Variants in SMARCA2 observed in about 807,000 individuals in gnomAD.
The protein encoded by SMARCA2 is SWI/SNF related BAF chromatin remodeling complex subunit ATPase 2.
Under a neutral mutation model 199.8 loss-of-function variants are expected in SMARCA2, and 61 were observed. The observed-to-expected ratio is 0.31, with a 90% confidence interval of 0.25 to 0.38. The LOEUF is 0.38. SMARCA2 is among the 10% of genes least tolerant of loss of function. SMARCA2 has a pLI of 1.00. For synonymous variants in SMARCA2, 935 were observed against 732.0 expected, an observed-to-expected ratio of 1.28 and a Z score of -4.48; for missense variants, 1,344 against 2,012.2, an observed-to-expected ratio of 0.67 and a Z score of 6.35.
intron 13 of SMARCA2, among the ~76,000 whole-genome samples, chr9:2,076,661 A>G (rs954500406): frequency 6.6e-6 from 1 of 152,000 alleles, no homozygotes; most frequent in East Asian, 1.9e-4. Flanking sequence ...TGAACTAATG[A>G]AACTTATCTC....
chr9:2,173,598 G>A (rs972046567), intron 29 of SMARCA2, among the ~76,000 whole-genome samples: 15 of 152,142 alleles, frequency 9.9e-5, no homozygotes, highest in Non-Finnish European at 1.9e-4. Flanking sequence ...ACAGTTTATC[G>A]TGTAGAGTAG....
At chr9:2,120,081 A>G (rs1242132422) in intron 26 of SMARCA2, among the ~76,000 whole-genome samples, 1 of 152,252 alleles carries the variant, frequency 6.6e-6, no homozygotes, top group African/African-American at 2.4e-5. Flanking sequence ...ATTGTTGACG[A>G]GAGCCCGCTT....
intron 27 of SMARCA2, among the ~76,000 whole-genome samples, chr9:2,132,318 G>T (rs1199289103): frequency 6.6e-6 from 1 of 152,232 alleles, no homozygotes; most frequent in East Asian, 1.9e-4. Context: ...CCTCTGGGCT[G>T]CATTAAGTAT....
At chr9:2,158,862 G>C in intron 27 of SMARCA2, 3 of 1,379,570 alleles carry the variant, frequency 2.2e-6, no homozygotes, top group Non-Finnish European at 3.0e-6. Flanking sequence ...AAGACCCTTA[G>C]AAATCACAGA....
intron 29 of SMARCA2, among the ~76,000 whole-genome samples, chr9:2,174,850 G>T (rs1586792237): frequency 6.7e-6 from 1 of 148,806 alleles, no homozygotes; most frequent in South Asian, 2.1e-4. Flanking sequence ...AGCCTGGGAG[G>T]TCGAGGCTAC....
At chr9:2,066,424 G>GC (rs1161640636) in intron 9 of SMARCA2, among the ~76,000 whole-genome samples, 18 of 152,198 alleles carry the variant, frequency 1.2e-4, no homozygotes, top group Non-Finnish European at 2.5e-4. Context: ...AAGATGGGTA[G>GC]CCATGCACAT....
intron 8 of SMARCA2, among the ~76,000 whole-genome samples, 183 bp downstream of exon 8, chr9:2,058,647 CA>C (rs1820458215): frequency 1.3e-5 from 2 of 152,178 alleles, no homozygotes; most frequent in South Asian, 4.2e-4. Flanking sequence ...GAATGCATGC[CA>C]AAAATCTAGG....
chr9:2,089,948 C>T (rs1821981016), intron 19 of SMARCA2, among the ~76,000 whole-genome samples: 1 of 151,816 alleles, frequency 6.6e-6, no homozygotes, highest in African/African-American at 2.4e-5. Context: ...TAACTGAAGC[C>T]CTTCATTTAT....
intron 27 of SMARCA2, among the ~76,000 whole-genome samples, chr9:2,137,182 A>G (rs774435070): frequency 6.6e-6 from 1 of 152,216 alleles, no homozygotes; most frequent in Non-Finnish European, 1.5e-5. Context: ...AGTAATAAGG[A>G]TCTGGAGTGT....
At position 2,181,693 on chromosome 9, in the gene SMARCA2, C is replaced by G; in HGVS notation, c.4359+17C>G. 3.3e-6 allele frequency: 4 copies of G among 1,216,784 alleles called. No homozygotes were observed. The highest frequency in any genetic ancestry group is 4.9e-6 in the Non-Finnish European group (4 of 818,872). The allele number at this position is 1,216,784 out of a possible 1,614,324, so 75.4% of individuals were successfully genotyped here. ...AAAATAAAGGTAGATATTTTGTTTA[C>G]CAACTTTATTCTTCAAGTAAATAAA... is the stretch of plus-strand genomic sequence containing the variant. On this transcript the variant is annotated intron_variant, in intron 30 of 33. Coordinates refer to ENST00000349721, the MANE Select transcript of SMARCA2 (RefSeq NM_003070.5).
At position 2,081,852 on chromosome 9, in the gene SMARCA2, G is replaced by C; in HGVS notation, c.2205G>C (p.Met735Ile). The change falls in exon 15 of 34, where the codon ATG becomes ATC. Residue 735 changes from methionine (M) to isoleucine (I), a missense_variant. This residue lies in a region of SMARCA2 where 106 missense variants were observed against 179.7 expected (regional missense o/e 0.59). Coordinates refer to ENST00000349721, the MANE Select transcript of SMARCA2 (RefSeq NM_003070.5). ...TTCAGCTCCAGGGCCTGGAATGGATGGTTTCCCTGTATAATAACAACTTGA... is the reference window on the plus strand; with the variant it reads ...TTCAGCTCCAGGGCCTGGAATGGATCGTTTCCCTGTATAATAACAACTTGA... ...KHYQLQGLEWMVSLYNNNLNG... is the reference protein window; with the variant it reads ...KHYQLQGLEWIVSLYNNNLNG... The C allele has an allele frequency of 6.2e-7, 1 of 1,614,008 alleles. No homozygotes were observed. Among genetic ancestry groups the C allele is most frequent in the Non-Finnish European group, 8.5e-7 (1 of 1,179,964 alleles).
chr9:2,119,570 T>A lies in SMARCA2; in HGVS notation c.3762+35T>A, dbSNP rs750762710. On this transcript the variant is annotated intron_variant, in intron 26 of 33. Coordinates refer to ENST00000349721, the MANE Select transcript of SMARCA2 (RefSeq NM_003070.5). The surrounding 1 kb of genome is among the most constrained non-coding windows in gnomAD (Gnocchi z 4.6). ...CAGAAAATCATGAACACAAATGCTTTATACCTCTGCCCCTTTTTCTGTTAA... is the reference window on the plus strand; with the variant it reads ...CAGAAAATCATGAACACAAATGCTTAATACCTCTGCCCCTTTTTCTGTTAA... The A allele has an allele frequency of 7.2e-7, 1 of 1,393,302 alleles. No individual in the cohort carries two copies. The highest frequency in any genetic ancestry group is 1.0e-6 in the Non-Finnish European group (1 of 980,234). 86.3% of individuals were successfully genotyped at this position (1,393,302 alleles called of 1,614,324 possible).
chr9:2,160,769 CTT>C lies in SMARCA2; in HGVS notation c.3982-910_3982-909del, dbSNP rs886727968. On this transcript the variant is annotated intron_variant, in intron 27 of 33. Coordinates refer to ENST00000349721, the MANE Select transcript of SMARCA2 (RefSeq NM_003070.5). ...CAATCTCAAAACGTAATTTAAAGAT[CTT>C]TTTTTTAGAAAATTTCTTTTCTATG... 3.8e-5 allele frequency: 15 copies of C among 395,116 alleles called. No homozygotes were observed. In the Admixed American group the frequency reaches 4.5e-4, roughly 12 times the overall value. The allele number at this position is 395,116 out of a possible 1,614,324, so 24.5% of individuals were successfully genotyped here.
At position 2,031,532 on chromosome 9, in the gene SMARCA2, A is replaced by G. The variant is rs79605233; in HGVS notation, c.226-1420A>G. 5.5e-3 allele frequency among the ~76,000 whole-genome samples: 836 copies of G among 152,248 alleles called. 10 individuals carry two copies. The highest frequency in any genetic ancestry group is 0.019 in the African/African-American group (798 of 41,536). ...TTAGCAGTTAAAAATTCAATGTGTG[A>G]GTGTTGGGTCAGTGTTATGTTTTTC... On this transcript the variant is annotated intron_variant, in intron 2 of 33. Transcript: ENST00000349721.
Position 2,084,128 on chromosome 9 carries a change from A to G in SMARCA2, c.2458A>G (p.Ser820Gly). Residue 820 changes from serine (S) to glycine (G), a missense_variant, in exon 17 of 34, where the codon AGT becomes GGT. Transcript: ENST00000349721. ...TCGCTCCCTTGTCCCCCAGCTACGG[A>G]GTGGCAAATTCAATGTCCTCTTGAC... ...MRRSLVPQLR[S>G]GKFNVLLTTY... 2.5e-6 allele frequency: 4 copies of G among 1,612,982 alleles called. No individual in the cohort carries two copies. Among genetic ancestry groups the G allele is most frequent in the Non-Finnish European group, 3.4e-6 (4 of 1,179,034 alleles).
chr9:2,051,517 G>C (rs935995453), intron 5 of SMARCA2, among the ~76,000 whole-genome samples: 1 of 152,138 alleles, frequency 6.6e-6, no homozygotes, highest in Non-Finnish European at 1.5e-5. Flanking sequence ...TCAATGTGAT[G>C]TAATCTCTAC....
chr9:2,119,313 C>T lies in SMARCA2; in HGVS notation c.3685-145C>T, dbSNP rs1012362598. 5.1e-5 allele frequency: 30 copies of T among 592,476 alleles called. No individual in the cohort carries two copies. Among genetic ancestry groups the T allele is most frequent in the Non-Finnish European group, 7.8e-5 (26 of 332,506 alleles). The allele number at this position is 592,476 out of a possible 1,614,324, so 36.7% of individuals were successfully genotyped here. On this transcript the variant is annotated intron_variant, in intron 25 of 33. Transcript: ENST00000349721. This position sits in a 1 kb window ranked among gnomAD's most constrained non-coding sequence, Gnocchi z 4.6. The stretch of plus-strand genomic sequence containing the variant: ...GTTTTAATAGCTTGTAAAATAGTAA[C>T]GTCAAGGACTAAATCCAGCAACCCC...
rs1826186137 is a variant in SMARCA2 at position 2,170,419 on chromosome 9, G to T, written c.4200G>T (p.Arg1400Ser). 6.2e-7 allele frequency: 1 copy of T among 1,614,128 alleles called. No homozygotes were observed. The highest frequency in any genetic ancestry group is 8.5e-7 in the Non-Finnish European group (1 of 1,179,994). Residue 1400 changes from arginine (R) to serine (S), a missense_variant and splice_region_variant, in exon 29 of 34, where the codon AGG becomes AGT. Transcript: ENST00000349721. The surrounding 1 kb of genome is among the most constrained non-coding windows in gnomAD (Gnocchi z 4.7). ...TAGTGTTCTTTCTACTCTACCGCAG[G>T]TGTAACGTGGAGAAGGTGCCCAGTA... ...IIDTVINYKDRCNVEKVPSNS... is the reference protein window; with the variant it reads ...IIDTVINYKDSCNVEKVPSNS...
chr9:2,183,737 C>G (rs1827223566), intron 31 of SMARCA2, among the ~76,000 whole-genome samples: 1 of 152,158 alleles, frequency 6.6e-6, no homozygotes, highest in Admixed American at 6.5e-5. Context: ...TGAAAGCAAG[C>G]CTTCTGTTAC....
Sources: gnomAD v4.1 joint callset for allele counts (sites outside exome capture counted in the v4.1 genomes callset) on GRCh38, gnomAD v4.1.1 for gene constraint, gnomAD v4.1.1 regional missense constraint, Gnocchi (gnomAD v3.1) non-coding constraint, MANE v1.5 for transcripts, NCBI Gene and HGNC (gene_info 2026-07-23, HGNC 2026-07-21) for gene names.